The following BACH2 variants were observed in gnomAD, a reference collection of about 807,000 sequenced individuals.
The protein encoded by BACH2 is transcription regulator protein BACH2.
Under a neutral mutation model 61.8 loss-of-function variants are expected in BACH2, and 5 were observed. The ratio of observed to expected loss-of-function variants is 0.08; its 90% CI spans 0.04 to 0.17. The LOEUF (loss-of-function observed/expected upper bound fraction) is 0.17. Ranked by LOEUF, BACH2 falls within the 10% of genes least tolerant of loss-of-function variation. The pLI is 1.00. For missense variants in BACH2, 824 were observed against 1,091.1 expected, an observed-to-expected ratio of 0.76 and a Z score of 3.45; for synonymous variants, 446 against 440.1, an observed-to-expected ratio of 1.01 and a Z score of -0.17.
At chr6:90,101,984 G>A (rs1380859130) in intron 4 of BACH2, among the ~76,000 whole-genome samples, 1 of 152,126 alleles carries the variant, frequency 6.6e-6, no homozygotes, top group Non-Finnish European at 1.5e-5. Flanking sequence ...TTTGTAGACT[G>A]AACTTTCATC....
At chr6:90,281,911 C>T (rs2127887090) in intron 1 of BACH2, among the ~76,000 whole-genome samples, 1 of 152,176 alleles carries the variant, frequency 6.6e-6, no homozygotes, top group East Asian at 1.9e-4. Context: ...TCCAAGGTCA[C>T]ACAATAAGTG....
chr6:90,056,691 ACCTACT>A (rs903665082), intron 5 of BACH2, among the ~76,000 whole-genome samples: 28 of 152,272 alleles, frequency 1.8e-4, no homozygotes, highest in African/African-American at 6.3e-4. Flanking sequence ...ACCACACCAC[ACCTACT>A]CCAAAATTGA....
At chr6:90,013,717 C>T (rs1333563451) in intron 5 of BACH2, among the ~76,000 whole-genome samples, 1 of 151,924 alleles carries the variant, frequency 6.6e-6, no homozygotes, top group Non-Finnish European at 1.5e-5. Context: ...ACCATGTTAG[C>T]CAGGATGGTC....
intron 6 of BACH2, among the ~76,000 whole-genome samples, chr6:89,984,045 C>T (rs1164947832): frequency 6.6e-6 from 1 of 152,138 alleles, no homozygotes; most frequent in African/African-American, 2.4e-5. Flanking sequence ...TTGCTTCTTG[C>T]AGAATAAAAC....
chr6:90,087,235 T>C (rs1273016314), intron 5 of BACH2, among the ~76,000 whole-genome samples: 1 of 152,202 alleles, frequency 6.6e-6, no homozygotes, highest in Admixed American at 6.5e-5. Context: ...AAGAGAACTG[T>C]AAATCCTAAG....
At chr6:90,159,689 G>A (rs1562480031) in intron 4 of BACH2, among the ~76,000 whole-genome samples, 1 of 152,152 alleles carries the variant, frequency 6.6e-6, no homozygotes, top group African/African-American at 2.4e-5. Flanking sequence ...AGAGCCCATA[G>A]CTATTGTGGT....
At chr6:90,116,977 G>A (rs1783427658) in intron 4 of BACH2, 2 of 373,732 alleles carry the variant, frequency 5.4e-6, no homozygotes, top group Admixed American at 6.7e-5. Context: ...ATAGACATGG[G>A]TTGCTCCTTC....
intron 1 of BACH2, among the ~76,000 whole-genome samples, chr6:90,295,171 G>C (rs1423004466): frequency 1.3e-5 from 2 of 152,056 alleles, no homozygotes; most frequent in Non-Finnish European, 1.5e-5. Flanking sequence ...GAGGCCACAG[G>C]TCACGGCGAC....
At chr6:89,935,317 C>T (rs1772953743) in intron 8 of BACH2, among the ~76,000 whole-genome samples, 1 of 152,158 alleles carries the variant, frequency 6.6e-6, no homozygotes, top group Non-Finnish European at 1.5e-5. Context: ...GAGCTCTCCC[C>T]TTTTAGTACA....
At chr6:90,248,228 G>T (rs186669741) in intron 3 of BACH2, among the ~76,000 whole-genome samples, 51 of 152,268 alleles carry the variant, frequency 3.3e-4, no homozygotes, top group Non-Finnish European at 1.6e-4. Context: ...TAACTAATCT[G>T]CTGTCGTTTT....
chr6:89,958,620 T>A (rs1198731928), intron 6 of BACH2, among the ~76,000 whole-genome samples: 1 of 152,224 alleles, frequency 6.6e-6, no homozygotes, highest in Non-Finnish European at 1.5e-5. Flanking sequence ...AGATGTTCAA[T>A]ATAAATGTTT....
intron 4 of BACH2, among the ~76,000 whole-genome samples, chr6:90,141,980 T>C (rs1784477016): frequency 6.6e-6 from 1 of 152,238 alleles, no homozygotes; most frequent in Non-Finnish European, 1.5e-5. Flanking sequence ...ATTTGGTGGC[T>C]GAGGTACGAG....
chr6:90,175,787 A>G (rs1767964897), intron 4 of BACH2, among the ~76,000 whole-genome samples: 2 of 152,140 alleles, frequency 1.3e-5, no homozygotes, highest in Admixed American at 6.5e-5. Context: ...GATAACAAAG[A>G]GCCCGGCTGG....
chr6:89,967,848 T>C (rs192020024), intron 6 of BACH2, among the ~76,000 whole-genome samples: 61 of 152,320 alleles, frequency 4.0e-4, no homozygotes, highest in African/African-American at 7.2e-5. Flanking sequence ...ATGATCTCTC[T>C]GGATAGTCAA....
At chr6:89,981,351 C>T (rs1185195107) in intron 6 of BACH2, among the ~76,000 whole-genome samples, 2 of 151,884 alleles carry the variant, frequency 1.3e-5, no homozygotes, top group Non-Finnish European at 2.9e-5. Flanking sequence ...CCGTGTTAGC[C>T]AGGATGGTAT....
intron 4 of BACH2, among the ~76,000 whole-genome samples, chr6:90,164,284 A>G (rs1205500666): frequency 6.6e-6 from 1 of 152,230 alleles, no homozygotes; most frequent in African/African-American, 2.4e-5. Flanking sequence ...TACTACAAAC[A>G]TCTCTACGCA....
rs569387361 is a variant in BACH2 at position 90,135,586 on chromosome 6, C to T, written c.-161-46477G>A. ...AAAAAATTAGCCAGGCATGGTGGTA[C>T]ACGCCTGTGGTCTCAGATACTCGAG... On this transcript the variant is annotated intron_variant, in intron 4 of 8. Coordinates refer to ENST00000257749, the MANE Select transcript of BACH2 (RefSeq NM_021813.4). 3.3e-5 allele frequency among the ~76,000 whole-genome samples: 5 copies of T among 152,214 alleles called. No individual in the cohort carries two copies. In the South Asian group the frequency reaches 6.2e-4, roughly 19 times the overall value.
intron 3 of BACH2, among the ~76,000 whole-genome samples, chr6:90,231,127 T>A (rs1380408722): frequency 6.6e-6 from 1 of 152,324 alleles, no homozygotes; most frequent in Non-Finnish European, 1.5e-5. Context: ...CTGTGGTTTG[T>A]TTGTGGCCAA....
At chr6:89,960,778 G>A (rs552130222) in intron 6 of BACH2, among the ~76,000 whole-genome samples, 2 of 152,236 alleles carry the variant, frequency 1.3e-5, no homozygotes, top group Non-Finnish European at 2.9e-5. Flanking sequence ...CATGGCACCA[G>A]AGCTTTGTTC....
Sources: gnomAD v4.1 joint callset for allele counts (sites outside exome capture counted in the v4.1 genomes callset) on GRCh38, gnomAD v4.1.1 for gene constraint, MANE v1.5 for transcripts, NCBI Gene and HGNC (gene_info 2026-07-23, HGNC 2026-07-21) for gene names.